TMEM269: variants seen among roughly 807,000 people sequenced by gnomAD.
TMEM269 encodes the protein transmembrane protein 269.
In TMEM269, 12 loss-of-function variants were observed where a neutral mutation model predicts 15.8. The observed-to-expected ratio is 0.76, with a 90% CI of 0.49 to 1.23. The LOEUF (loss-of-function observed/expected upper bound fraction) is 1.23. TMEM269 is among the 50% of genes most tolerant of loss of function. TMEM269 has a pLI of 0.00. For missense variants in TMEM269, 211 were observed against 245.4 expected, an observed-to-expected ratio of 0.86 and a Z score of 0.94; for synonymous variants, 93 against 99.3, an observed-to-expected ratio of 0.94 and a Z score of 0.38.
Position 42,798,641 on chromosome 1 carries a change from C to T in TMEM269, c.*416C>T, listed in dbSNP as rs1331884684. ...CTTCCTGAAGCATTTCTTACTCTTG[C>T]AGACTCTGGCTCTGAGAGTAGAGCC... On this transcript the variant is annotated 3_prime_UTR_variant, in exon 6 of 6. Coordinates refer to ENST00000637012, the MANE Select transcript of TMEM269 (RefSeq NM_001354602.2). 1.2e-5 allele frequency: 2 copies of T among 173,896 alleles called. No individual in the cohort carries two copies. The highest frequency in any genetic ancestry group is 4.7e-5 in the African/African-American group (2 of 42,168). 10.8% of individuals were successfully genotyped at this position (173,896 alleles called of 1,614,324 possible). A position where few individuals can be genotyped will look rare whatever the true frequency, so the allele number is the denominator to read the frequency against.
At chr1:42,789,418 G>A (rs1306849200) in intron 1 of TMEM269, 4 of 1,534,972 alleles carry the variant, frequency 2.6e-6, no homozygotes, top group Non-Finnish European at 3.5e-6. Flanking sequence ...TCAGTGACAA[G>A]GGCCCACCTC....
intron 2 of TMEM269, among the ~76,000 whole-genome samples, chr1:42,792,328 A>G (rs1208607855): frequency 6.6e-6 from 1 of 152,220 alleles, no homozygotes; most frequent in Non-Finnish European, 1.5e-5. Flanking sequence ...ACAAGGAGAA[A>G]CAGGTCATCT....
At chr1:42,787,193 G>A (rs905770853) in intron 1 of TMEM269, among the ~76,000 whole-genome samples, 4 of 152,334 alleles carry the variant, frequency 2.6e-5, no homozygotes, top group African/African-American at 9.6e-5. Flanking sequence ...GAGCACAGGG[G>A]AAAGAACACT....
chr1:42,793,584 TG>T lies in TMEM269; in HGVS notation c.140-14del. On this transcript the variant is annotated splice_polypyrimidine_tract_variant and intron_variant, in intron 3 of 5. Transcript: ENST00000637012. The stretch of plus-strand genomic sequence containing the variant: ...GTGGGAGTATAAGTTCTTCTAACCT[TG>T]GGCCGTCTGGGGCAGGAGCCGAGCT... 1 of 1,545,716 alleles carries T rather than the reference TG, an allele frequency of 6.5e-7. No homozygotes were observed. The highest frequency in any genetic ancestry group is 8.7e-7 in the Non-Finnish European group (1 of 1,144,856).
At position 42,789,953 on chromosome 1, in the gene TMEM269, A is replaced by C; in HGVS notation, c.41+19A>C. ...TCAGCAGGTAGGTCTGGGGCCCAGC[A>C]AGCTCTTAGCCAAGAGCTGGAGCCA... On this transcript the variant is annotated intron_variant, in intron 2 of 5. Transcript: ENST00000637012. 6.5e-7 allele frequency: 1 copy of C among 1,536,078 alleles called. No individual in the cohort carries two copies. Among genetic ancestry groups the C allele is most frequent in the East Asian group, 2.4e-5 (1 of 40,850 alleles).
chr1:42,798,243 A>G lies in TMEM269; in HGVS notation c.*18A>G. The G allele has an allele frequency of 1.3e-6, 2 of 1,543,152 alleles. No homozygotes were observed. The highest frequency in any genetic ancestry group is 1.4e-5 in the African/African-American group (1 of 73,092). ...AGCACTGAGGAAGCTAAGCAGCTCT[A>G]CCAGCTCCTGCCGGCCTCTGTGGGG... On this transcript the variant is annotated 3_prime_UTR_variant, in exon 6 of 6. Transcript: ENST00000637012.
chr1:42,793,719 T>C lies in TMEM269; in HGVS notation c.258T>C (p.Ser86=), dbSNP rs1400904840. 1.9e-6 allele frequency: 3 copies of C among 1,550,428 alleles called. No homozygotes were observed. Among genetic ancestry groups the C allele is most frequent in the African/African-American group, 1.4e-5 (1 of 73,058 alleles). ...ILAIIYVSAA[S]FHLCFYSPGV... The stretch of plus-strand genomic sequence containing the variant: ...CCATCATCTATGTGTCAGCTGCTTC[T>C]TTCCACTTGTGCTTTTATTCACCTG... The change falls in exon 4 of 6, where the codon TCT becomes TCC. Residue 86 remains serine (S), a synonymous_variant. Coordinates refer to ENST00000637012, the MANE Select transcript of TMEM269 (RefSeq NM_001354602.2).
At chr1:42,787,301 G>A (rs1292946260) in intron 1 of TMEM269, among the ~76,000 whole-genome samples, 1 of 152,140 alleles carries the variant, frequency 6.6e-6, no homozygotes, top group Non-Finnish European at 1.5e-5. Context: ...TGGAAAGTAG[G>A]GACAAGAACC....
chr1:42,798,433 A>G lies in TMEM269; in HGVS notation c.*208A>G. ...ATTCAGGGTTCTGACTCCCTTGCGG[A>G]CAATACTTGTTTATGTCATGTAGAG... On this transcript the variant is annotated 3_prime_UTR_variant, in exon 6 of 6. Transcript: ENST00000637012. 1.6e-6 allele frequency: 1 copy of G among 607,314 alleles called. No homozygotes were observed. 37.6% of individuals were successfully genotyped at this position (607,314 alleles called of 1,614,324 possible).
chr1:42,792,155 C>A (rs376210360), intron 2 of TMEM269, among the ~76,000 whole-genome samples: 2 of 151,954 alleles, frequency 1.3e-5, no homozygotes, highest in Non-Finnish European at 2.9e-5. Context: ...AAAGACAAGA[C>A]AGAAATTACC....
rs1395692849 is a variant in TMEM269, at chr1:42,793,617, CTT to C, written c.158_159del (p.Phe53CysfsTer93). The C allele has an allele frequency of 1.3e-6, 2 of 1,550,044 alleles. No homozygotes were observed. Among genetic ancestry groups the C allele is most frequent in the Admixed American group, 2.0e-5 (1 of 50,922 alleles). On this transcript the variant is annotated frameshift_variant, in exon 4 of 6. Transcript: ENST00000637012. LOFTEE classifies it high-confidence loss of function. ...CTGGGGCAGGAGCCGAGCTGAATGA[CTT>C]TGCCGTCTTCACCACCTTCGGCTTG... ...CSKLGAELND[F>X]AVFTTFGLAS...
intron 2 of TMEM269, among the ~76,000 whole-genome samples, chr1:42,791,290 C>T (rs1184342687): frequency 6.6e-6 from 1 of 152,148 alleles, no homozygotes; most frequent in Non-Finnish European, 1.5e-5. Flanking sequence ...ATGCAGAGTA[C>T]ACATTCTTCT....
chr1:42,789,729 TC>T, intron 1 of TMEM269, 66 bp from the exon 2 acceptor site: 1 of 924,540 alleles, frequency 1.1e-6, no homozygotes, highest in Non-Finnish European at 1.7e-6. Context: ...GTGGAACAGG[TC>T]CCTGGGAGCC....
chr1:42,798,777 C>G lies in TMEM269; in HGVS notation c.*552C>G, dbSNP rs923598552. The G allele has an allele frequency of 8.8e-6, 1 of 114,270 alleles. No homozygotes were observed. Among genetic ancestry groups the G allele is most frequent in the Non-Finnish European group, 1.6e-5 (1 of 61,276 alleles). The allele number at this position is 114,270 out of a possible 1,614,324, so 7.1% of individuals were successfully genotyped here. On this transcript the variant is annotated 3_prime_UTR_variant, in exon 6 of 6. Transcript: ENST00000637012. ...TTTTTTTTTGAGAAGGAGTCTCGCTCTTTCACCCAGGCTGGAGTGCAGTGG... is the reference window on the plus strand; with the variant it reads ...TTTTTTTTTGAGAAGGAGTCTCGCTGTTTCACCCAGGCTGGAGTGCAGTGG...
intron 1 of TMEM269, chr1:42,789,389 C>G: frequency 6.6e-7 from 1 of 1,515,696 alleles, no homozygotes; most frequent in Non-Finnish European, 8.9e-7. Flanking sequence ...CACTACTTCT[C>G]TCTCAAGCCA....
rs888316012 is a variant in TMEM269 at position 42,794,571 on chromosome 1, A to T, written c.442A>T (p.Ile148Phe). 7.7e-6 allele frequency: 12 copies of T among 1,550,792 alleles called. No homozygotes were observed. In the Admixed American group the frequency reaches 7.8e-5, roughly 10 times the overall value. ...CCAGAGCTACTATCCATATGACAAA[A>T]TCCTGGAGTCTGAGAACTGGAAAAA... ...MDQSYYPYDK[I>F]LESENWKKLV... The change falls in exon 5 of 6, where the codon ATC (isoleucine) becomes TTC (phenylalanine). Residue 148 changes from isoleucine to phenylalanine, a missense_variant. Ile to Phe is a conservative substitution (Grantham distance 21). Coordinates refer to ENST00000637012, the MANE Select transcript of TMEM269 (RefSeq NM_001354602.2).
rs992409139 is a variant in TMEM269, at chr1:42,791,280, A to C, written c.41+1346A>C. 5.3e-5 allele frequency among the ~76,000 whole-genome samples: 8 copies of C among 152,320 alleles called. No individual in the cohort carries two copies. The East Asian group carries it at 1.5e-3, about 29-fold the overall frequency. On this transcript the variant is annotated intron_variant, in intron 2 of 5. Transcript: ENST00000637012. ...CATCTATAGAGTACTTCATCCAACCATGCAGAGTACACATTCTTCTCAAAC... is the reference window on the plus strand; with the variant it reads ...CATCTATAGAGTACTTCATCCAACCCTGCAGAGTACACATTCTTCTCAAAC...
At chr1:42,789,998 G>C in intron 2 of TMEM269, 64 bp downstream of exon 2, 1 of 1,260,670 alleles carries the variant, frequency 7.9e-7, no homozygotes, top group South Asian at 1.3e-5. Flanking sequence ...GGGAAGGAGA[G>C]GGAGAGTTTG....
rs41269527 is a variant in TMEM269, at chr1:42,797,818, T to C, written c.485-280T>C. On this transcript the variant is annotated intron_variant, in intron 5 of 5. Transcript: ENST00000637012. The surrounding 1 kb of genome is among the most constrained non-coding windows in gnomAD (Gnocchi z 4.9). ...TGGTTTTTGTCTTGGTTTGTTTTGT[T>C]TTCCCTAACAAAGGCAATTCAGATT... 27,241 of 584,942 alleles carry C rather than the reference T, an allele frequency of 0.047. 918 individuals are homozygous for C. The highest frequency in any genetic ancestry group is 0.088 in the South Asian group (5,747 of 65,540). The allele number at this position is 584,942 out of a possible 1,614,324, so 36.2% of individuals were successfully genotyped here.
Sources: allele counts gnomAD v4.1 joint callset (sites outside exome capture counted in the v4.1 genomes callset), GRCh38; gene constraint gnomAD v4.1.1; non-coding constraint Gnocchi (gnomAD v3.1); transcripts MANE v1.5; gene names NCBI Gene and HGNC (gene_info 2026-07-23, HGNC 2026-07-21).